WWOX: variants seen among roughly 807,000 people sequenced by gnomAD.
WWOX encodes WW domain-containing oxidoreductase.
Under a neutral mutation model 46.2 loss-of-function variants are expected in WWOX, and 69 were observed. The observed-to-expected ratio is 1.49, with a 90% CI of 1.23 to 1.82. The LOEUF is 1.82. WWOX is among the 40% of genes most tolerant of loss of function. The pLI is 0.00. For missense variants in WWOX, 919 were observed against 542.6 expected, an observed-to-expected ratio of 1.69 and a Z score of -6.89; for synonymous variants, 359 against 202.6, an observed-to-expected ratio of 1.77 and a Z score of -6.56.
At chr16:78,608,087 C>T (rs1246543737) in intron 8 of WWOX, among the ~76,000 whole-genome samples, 3 of 152,270 alleles carry the variant, frequency 2.0e-5, no homozygotes, top group South Asian at 2.1e-4. Context: ...CATTTTAGTG[C>T]ATTTGATATG....
At chr16:78,928,539 A>G (rs986201579) in intron 8 of WWOX, among the ~76,000 whole-genome samples, 2 of 152,074 alleles carry the variant, frequency 1.3e-5, no homozygotes, top group Non-Finnish European at 2.9e-5. Context: ...CCCCTTCTGA[A>G]GTGAATACTG....
chr16:78,720,954 G>T (rs985770733), intron 8 of WWOX, among the ~76,000 whole-genome samples: 1 of 152,090 alleles, frequency 6.6e-6, no homozygotes, highest in Non-Finnish European at 1.5e-5. Context: ...ATCATCAGGG[G>T]AGCCAAGTGG....
intron 8 of WWOX, among the ~76,000 whole-genome samples, chr16:78,652,512 G>A (rs867852929): frequency 5.3e-5 from 8 of 151,472 alleles, no homozygotes; most frequent in Middle Eastern, 3.4e-3. Context: ...TATAAAAAAA[G>A]TTGTAATAAA....
intron 8 of WWOX, among the ~76,000 whole-genome samples, chr16:78,863,243 C>T (rs1457192908): frequency 6.6e-6 from 1 of 152,148 alleles, no homozygotes; most frequent in Non-Finnish European, 1.5e-5. Context: ...CAGGCGTGAG[C>T]CACCACTCCC....
intron 3 of WWOX, among the ~76,000 whole-genome samples, chr16:78,111,044 G>A (rs1474107197): frequency 6.6e-6 from 1 of 151,592 alleles, no homozygotes; most frequent in Non-Finnish European, 1.5e-5. Context: ...TAACATAAAC[G>A]TTTCAGTATT....
At chr16:78,107,562 C>G (rs537814771) in intron 1 of WWOX, among the ~76,000 whole-genome samples, 10 of 152,260 alleles carry the variant, frequency 6.6e-5, no homozygotes, top group African/African-American at 2.2e-4. Flanking sequence ...CAAAGGTGCA[C>G]AGCGCACAGC....
chr16:78,107,035 C>T (rs1325242973), intron 1 of WWOX, among the ~76,000 whole-genome samples: 1 of 152,206 alleles, frequency 6.6e-6, no homozygotes, highest in Non-Finnish European at 1.5e-5. Flanking sequence ...ACCTTGCTTG[C>T]AAGTTGTAGA....
intron 5 of WWOX, among the ~76,000 whole-genome samples, chr16:78,278,166 G>A (rs1332109925): frequency 6.6e-6 from 1 of 152,180 alleles, no homozygotes; most frequent in Non-Finnish European, 1.5e-5. Context: ...TGGAAAGGCA[G>A]GCAGTGCGAA....
At chr16:79,061,070 G>A (rs377194204) in intron 8 of WWOX, among the ~76,000 whole-genome samples, 42 of 152,276 alleles carry the variant, frequency 2.8e-4, no homozygotes, top group South Asian at 1.4e-3. Context: ...ACAGCCTCTC[G>A]AAGGGACGTG....
chr16:78,857,448 T>C (rs971047445), intron 8 of WWOX, among the ~76,000 whole-genome samples: 4 of 152,212 alleles, frequency 2.6e-5, no homozygotes, highest in Admixed American at 6.5e-5. Flanking sequence ...TTTTCCATGA[T>C]GCATGATGTA....
intron 8 of WWOX, among the ~76,000 whole-genome samples, chr16:78,879,398 A>G (rs745755068): frequency 2.6e-5 from 4 of 152,156 alleles, no homozygotes; most frequent in African/African-American, 4.8e-5. Context: ...ATTCCCAATT[A>G]GTTTCTTCAT....
intron 8 of WWOX, among the ~76,000 whole-genome samples, chr16:79,025,565 G>C (rs565873714): frequency 6.6e-6 from 1 of 152,172 alleles, no homozygotes; most frequent in East Asian, 1.9e-4. Context: ...CAGATACCAG[G>C]AGAGGGGCAC....
intron 8 of WWOX, among the ~76,000 whole-genome samples, chr16:78,929,355 C>T (rs2045569957): frequency 6.6e-6 from 1 of 151,932 alleles, no homozygotes; most frequent in Non-Finnish European, 1.5e-5. Context: ...CTATATAGTG[C>T]ATATTTTTTC....
At chr16:78,847,657 C>G (rs2052335768) in intron 8 of WWOX, among the ~76,000 whole-genome samples, 1 of 151,652 alleles carries the variant, frequency 6.6e-6, no homozygotes, top group Admixed American at 6.6e-5. Context: ...TTATTCTGAG[C>G]TTTCTTTGGG....
intron 4 of WWOX, among the ~76,000 whole-genome samples, chr16:78,158,791 G>A (rs954520888): frequency 2.0e-5 from 3 of 152,118 alleles, no homozygotes; most frequent in African/African-American, 7.2e-5. Context: ...TGATAAGTTT[G>A]GAGATAAGTA....
At chr16:78,526,880 C>T (rs971955152) in intron 8 of WWOX, among the ~76,000 whole-genome samples, 2 of 152,116 alleles carry the variant, frequency 1.3e-5, no homozygotes, top group African/African-American at 2.4e-5. Flanking sequence ...AGTGTGCCAG[C>T]GAGGGCAGGT....
chr16:78,354,637 A>G (rs2081248664), intron 5 of WWOX, among the ~76,000 whole-genome samples: 1 of 152,054 alleles, frequency 6.6e-6, no homozygotes, highest in Admixed American at 6.6e-5. Context: ...ATTCCTTATT[A>G]TATTTTGCCT....
At chr16:79,079,000 C>G (rs2048711223) in intron 8 of WWOX, among the ~76,000 whole-genome samples, 1 of 152,162 alleles carries the variant, frequency 6.6e-6, no homozygotes, top group Non-Finnish European at 1.5e-5. Flanking sequence ...AGTAGAGATG[C>G]TAAAATATAA....
At chr16:78,270,118 A>G (rs931439506) in intron 5 of WWOX, 1 of 152,094 alleles carries the variant, frequency 6.6e-6, no homozygotes, top group African/African-American at 2.4e-5. Context: ...CACTGAAAAA[A>G]ATACATAAAT....
Sources: gnomAD v4.1 joint callset for allele counts (sites outside exome capture counted in the v4.1 genomes callset) on GRCh38, gnomAD v4.1.1 for gene constraint, MANE v1.5 for transcripts, NCBI Gene and HGNC (gene_info 2026-07-23, HGNC 2026-07-21) for gene names.